AHCYL2: variants seen among roughly 807,000 people sequenced by gnomAD.
AHCYL2 encodes the protein S-adenosylhomocysteine hydrolase-like protein 2.
AHCYL2 carries 28 observed loss-of-function variants against 81.4 expected under a neutral mutation model. The ratio of observed to expected loss-of-function variants is 0.34; its 90% confidence interval spans 0.25 to 0.47. The LOEUF is 0.47. AHCYL2 is among the 20% of genes least tolerant of loss of function. AHCYL2 has a pLI of 1.00. For missense variants in AHCYL2, 551 were observed against 785.1 expected (o/e 0.70, Z 3.56); for synonymous variants, 272 against 290.2 (o/e 0.94, Z 0.64).
intron 1 of AHCYL2, among the ~76,000 whole-genome samples, chr7:129,355,291 T>C (rs1323229562): frequency 6.6e-6 from 1 of 152,228 alleles, no homozygotes; most frequent in Non-Finnish European, 1.5e-5. Context: ...TCTAGTGTTC[T>C]TAAGCTCAAA....
chr7:129,419,672 G>A lies in AHCYL2; in HGVS notation c.1462-3168G>A, dbSNP rs113414085. ...TAGGCTTTAAACATTTTTTCCAGCC[G>A]AAGAACGATTTAACCTGAGACTTTG... is the stretch of plus-strand genomic sequence containing the variant. On this transcript the variant is annotated intron_variant, in intron 12 of 16. Coordinates refer to ENST00000325006, the MANE Select transcript of AHCYL2 (RefSeq NM_015328.4). The surrounding 1 kb of genome is among the most constrained non-coding windows in gnomAD (Gnocchi z 4.7). Among the ~76,000 whole-genome samples the A allele has an allele frequency of 6.4e-3, 964 of 150,456 alleles. 10 individuals are homozygous for A. Among genetic ancestry groups the A allele is most frequent in the African/African-American group, 0.022 (918 of 40,820 alleles).
At chr7:129,384,534 G>T (rs1795115677) in intron 2 of AHCYL2, among the ~76,000 whole-genome samples, 2 of 151,980 alleles carry the variant, frequency 1.3e-5, no homozygotes, top group African/African-American at 4.8e-5. Flanking sequence ...AATATACTCA[G>T]TGTGTATGAA....
At chr7:129,226,829 A>G (rs993540203) in intron 1 of AHCYL2, among the ~76,000 whole-genome samples, 7 of 152,222 alleles carry the variant, frequency 4.6e-5, no homozygotes, top group African/African-American at 1.7e-4. Context: ...AAGTAAAGTA[A>G]AAAAGAGAGG....
rs183396783 is a variant in AHCYL2 at position 129,293,979 on chromosome 7, C to G, written c.363+68540C>G. On this transcript the variant is annotated intron_variant, in intron 1 of 16. Transcript: ENST00000325006. ...TTTTACTTATTGGTTGTGAAAAGTG[C>G]TTTATCTGGTTTGTTTGGTAGTAAT... is the stretch of plus-strand genomic sequence containing the variant. Among the ~76,000 whole-genome samples, 144 of 152,114 alleles carry G rather than the reference C, an allele frequency of 9.5e-4. 1 individual carries two copies. The highest frequency in any genetic ancestry group is 8.5e-4 in the Non-Finnish European group (58 of 67,994).
intron 5 of AHCYL2, among the ~76,000 whole-genome samples, chr7:129,397,827 C>T (rs891361943): frequency 6.6e-6 from 1 of 152,236 alleles, no homozygotes; most frequent in African/African-American, 2.4e-5. Flanking sequence ...ACTTTGCCAG[C>T]CTCTTGCCTT....
chr7:129,364,543 G>A (rs1362201619), intron 1 of AHCYL2, among the ~76,000 whole-genome samples: 3 of 152,124 alleles, frequency 2.0e-5, no homozygotes, highest in East Asian at 1.9e-4. Flanking sequence ...TGCCCACCTC[G>A]GCCTCCCAAA....
intron 4 of AHCYL2, among the ~76,000 whole-genome samples, chr7:129,391,170 C>T (rs1445433459): frequency 6.6e-6 from 1 of 151,972 alleles, no homozygotes; most frequent in African/African-American, 2.4e-5. Flanking sequence ...TTATTGATTC[C>T]AGAGCATCAG....
At chr7:129,280,945 A>G (rs952590439) in intron 1 of AHCYL2, among the ~76,000 whole-genome samples, 3 of 22,278 alleles carry the variant, frequency 1.3e-4, no homozygotes, top group Admixed American at 1.8e-3. Flanking sequence ...GCTCACTGCA[A>G]CCTCTGCCTC....
chr7:129,290,276 G>T (rs1209963969), intron 1 of AHCYL2, among the ~76,000 whole-genome samples: 1 of 151,968 alleles, frequency 6.6e-6, no homozygotes, highest in Non-Finnish European at 1.5e-5. Flanking sequence ...GGCCAAGGCG[G>T]GCGGATCACG....
intron 12 of AHCYL2, 100 bp downstream of exon 12, chr7:129,413,788 C>A: frequency 1.0e-6 from 1 of 957,452 alleles, no homozygotes; most frequent in Non-Finnish European, 1.7e-6. Flanking sequence ...CTAAACATGA[C>A]TATCCTGGCA....
chr7:129,321,772 G>GTTTTTTTTTTTTTTTTTTTTTTTTTTTT (rs1217148394), intron 1 of AHCYL2, among the ~76,000 whole-genome samples: 3 of 114,414 alleles, frequency 2.6e-5, no homozygotes, highest in Non-Finnish European at 5.3e-5. Context: ...TTTGGTCTTG[G>GTTTTTTTTTTTTTTTTTTTTTTTTTTTT]TTTTGTTTTT....
chr7:129,387,448 A>C (rs1360329436), intron 2 of AHCYL2, among the ~76,000 whole-genome samples: 1 of 152,262 alleles, frequency 6.6e-6, no homozygotes, highest in Non-Finnish European at 1.5e-5. Flanking sequence ...TCCAGAACAC[A>C]TGACCGCTAT....
intron 12 of AHCYL2, 151 bp from the exon 13 acceptor site, chr7:129,422,689 A>G: frequency 1.7e-6 from 1 of 601,682 alleles, no homozygotes; most frequent in Non-Finnish European, 2.9e-6. Flanking sequence ...CTGAAATGGA[A>G]CAGTCCTAAC....
intron 11 of AHCYL2, among the ~76,000 whole-genome samples, chr7:129,412,115 G>A (rs1487951379): frequency 1.3e-5 from 2 of 151,948 alleles, no homozygotes; most frequent in South Asian, 2.1e-4. Flanking sequence ...TTGGAAGGCC[G>A]AAGTAGGCAG....
chr7:129,282,690 A>C (rs1272016145), intron 1 of AHCYL2, among the ~76,000 whole-genome samples: 1 of 151,468 alleles, frequency 6.6e-6, no homozygotes, highest in Non-Finnish European at 1.5e-5. Context: ...TTTCTTCTTC[A>C]TGGGTCATAT....
chr7:129,376,047 G>A, intron 1 of AHCYL2: 1 of 1,254,616 alleles, frequency 8.0e-7, no homozygotes, highest in Non-Finnish European at 1.1e-6. Flanking sequence ...GGCATAAGGT[G>A]AGCTACCCCT....
At chr7:129,257,413 A>G (rs1795466192) in intron 1 of AHCYL2, among the ~76,000 whole-genome samples, 1 of 152,116 alleles carries the variant, frequency 6.6e-6, no homozygotes, top group Non-Finnish European at 1.5e-5. Flanking sequence ...CATGGTGACA[A>G]CTGATATGAA....
chr7:129,384,164 C>T (rs1007831920), intron 2 of AHCYL2, among the ~76,000 whole-genome samples: 1 of 151,340 alleles, frequency 6.6e-6, no homozygotes, highest in African/African-American at 2.4e-5. Context: ...CAGAACTCCA[C>T]CCAACATTCT....
At chr7:129,234,423 T>G (rs1794565644) in intron 1 of AHCYL2, among the ~76,000 whole-genome samples, 1 of 152,072 alleles carries the variant, frequency 6.6e-6, no homozygotes, top group Admixed American at 6.6e-5. Context: ...TTTTGTATTT[T>G]TAGTAGAGAC....
Sources: gnomAD v4.1 joint callset for allele counts (sites outside exome capture counted in the v4.1 genomes callset) on GRCh38, gnomAD v4.1.1 for gene constraint, Gnocchi (gnomAD v3.1) non-coding constraint, MANE v1.5 for transcripts, NCBI Gene and HGNC (gene_info 2026-07-23, HGNC 2026-07-21) for gene names.